CGNL1: variants seen among roughly 807,000 people sequenced by gnomAD.
CGNL1 encodes the protein cingulin-like protein 1.
In CGNL1, 132 loss-of-function variants were observed where a neutral mutation model predicts 141.2. The observed-to-expected ratio is 0.93, with a 90% confidence interval of 0.81 to 1.08. CGNL1 has a LOEUF of 1.08. Among genes scored for constraint, CGNL1 ranks in the 50% least tolerant of loss-of-function variants. CGNL1 has a pLI of 0.00. For synonymous variants in CGNL1, 690 were observed against 622.1 expected (o/e 1.11, Z -1.63); for missense variants, 1,870 against 1,588.6 (o/e 1.18, Z -3.01).
chr15:57,454,579 A>G (rs900622872), intron 7 of CGNL1, among the ~76,000 whole-genome samples: 7 of 152,162 alleles, frequency 4.6e-5, no homozygotes, highest in Admixed American at 1.3e-4. Context: ...AGGAGCTCAG[A>G]GATGAGTGAC....
intron 8 of CGNL1, among the ~76,000 whole-genome samples, chr15:57,465,093 A>C (rs921110944): frequency 4.6e-5 from 7 of 151,798 alleles, no homozygotes; most frequent in East Asian, 3.9e-4. Flanking sequence ...GTGTTTTTTC[A>C]CCATATTAGC....
intron 14 of CGNL1, 133 bp from the exon 15 acceptor site, chr15:57,543,563 T>G (rs2032680864): frequency 1.4e-6 from 1 of 712,830 alleles, no homozygotes; most frequent in Non-Finnish European, 2.5e-6. Flanking sequence ...CCAGAGCAGA[T>G]GGCACGAGGG....
At chr15:57,394,099 C>CTTTTTTTTTTTTTTTTTTTTTTTTTTTTT (rs1555429893) in intron 1 of CGNL1, 2 of 34,162 alleles carry the variant, frequency 5.9e-5, no homozygotes, top group African/African-American at 7.7e-5. Context: ...AGGGTAATTT[C>CTTTTTTTTTTTTTTTTTTTTTTTTTTTTT]TGTTTGTTTT....
At chr15:57,488,440 T>A (rs2063813714) in intron 8 of CGNL1, among the ~76,000 whole-genome samples, 2 of 152,248 alleles carry the variant, frequency 1.3e-5, no homozygotes, top group African/African-American at 4.8e-5. Flanking sequence ...GGTACTTGTG[T>A]TGTATCTAAG....
intron 8 of CGNL1, among the ~76,000 whole-genome samples, chr15:57,466,167 A>G (rs1416954692): frequency 1.3e-5 from 2 of 152,212 alleles, no homozygotes; most frequent in African/African-American, 2.4e-5. Context: ...ACATTCTTTT[A>G]AAGGACTAAG....
At chr15:57,377,837 T>G (rs1370135921) in intron 1 of CGNL1, among the ~76,000 whole-genome samples, 3 of 152,068 alleles carry the variant, frequency 2.0e-5, no homozygotes, top group Non-Finnish European at 4.4e-5. Context: ...TGATTTCAGA[T>G]TAAAAGGAGA....
At chr15:57,533,848 G>A (rs1014317105) in intron 14 of CGNL1, among the ~76,000 whole-genome samples, 1 of 152,200 alleles carries the variant, frequency 6.6e-6, no homozygotes, top group African/African-American at 2.4e-5. Flanking sequence ...TGTCAGTTTA[G>A]GGGGGAAGTT....
At chr15:57,417,595 A>T (rs538323790) in intron 1 of CGNL1, among the ~76,000 whole-genome samples, 1 of 137,662 alleles carries the variant, frequency 7.3e-6, no homozygotes, top group African/African-American at 2.7e-5. Context: ...GTCACTCAGA[A>T]TTGAAATAGT....
At chr15:57,543,152 A>G (rs1216792143) in intron 14 of CGNL1, among the ~76,000 whole-genome samples, 1 of 152,078 alleles carries the variant, frequency 6.6e-6, no homozygotes, top group Non-Finnish European at 1.5e-5. Flanking sequence ...GCCTCCTCCT[A>G]GCTTCTGGTG....
At chr15:57,387,272 C>T (rs1347933257) in intron 1 of CGNL1, among the ~76,000 whole-genome samples, 1 of 152,218 alleles carries the variant, frequency 6.6e-6, no homozygotes, top group Non-Finnish European at 1.5e-5. Flanking sequence ...CATGCACCAG[C>T]ACTTCACCAC....
intron 14 of CGNL1, among the ~76,000 whole-genome samples, chr15:57,537,292 T>G (rs1166925819): frequency 2.6e-5 from 4 of 152,186 alleles, no homozygotes; most frequent in African/African-American, 9.7e-5. Flanking sequence ...CCTCGGCAAC[T>G]GCAGGATTAA....
At chr15:57,428,035 G>A (rs2062999367) in intron 1 of CGNL1, among the ~76,000 whole-genome samples, 1 of 151,788 alleles carries the variant, frequency 6.6e-6, no homozygotes, top group South Asian at 2.1e-4. Flanking sequence ...TGTGTACATT[G>A]AGCATGCTTT....
chr15:57,387,082 C>T (rs1350839216), intron 1 of CGNL1, among the ~76,000 whole-genome samples: 1 of 152,136 alleles, frequency 6.6e-6, no homozygotes, highest in Non-Finnish European at 1.5e-5. Flanking sequence ...GCAGTCACTC[C>T]ACGTTCCTCC....
At chr15:57,456,499 A>T (rs540132229) in intron 7 of CGNL1, among the ~76,000 whole-genome samples, 48 of 151,978 alleles carry the variant, frequency 3.2e-4, no homozygotes, top group South Asian at 1.0e-3. Flanking sequence ...CTTAAAAAAA[A>T]AAATAAATAA....
chr15:57,493,687 C>T (rs576976283), intron 8 of CGNL1, among the ~76,000 whole-genome samples: 1 of 150,648 alleles, frequency 6.6e-6, no homozygotes, highest in African/African-American at 2.4e-5. Context: ...AGCACAGATA[C>T]ACTCATGTGT....
chr15:57,473,899 C>CTT lies in CGNL1; in HGVS notation c.2403+12032_2403+12033dup, dbSNP rs59761174. ...ACTTCTTCTTCTTCTTCTTCTTCTT[C>CTT]TTTTTTTTTTTTTTTTTTTTTTTTT... On this transcript the variant is annotated intron_variant, in intron 8 of 18. Transcript: ENST00000281282. Among the ~76,000 whole-genome samples the CTT allele has an allele frequency of 1.3e-3, 91 of 70,674 alleles. 2 individuals are homozygous for CTT. Among genetic ancestry groups the CTT allele is most frequent in the African/African-American group, 3.9e-3 (70 of 17,856 alleles). The allele number at this position is 70,674 out of a possible 152,430, so 46.4% of individuals were successfully genotyped here.
chr15:57,378,844 C>T (rs182138660), intron 1 of CGNL1, among the ~76,000 whole-genome samples: 1 of 152,198 alleles, frequency 6.6e-6, no homozygotes, highest in Non-Finnish European at 1.5e-5. Context: ...CTCGCTTTTC[C>T]CCAACTTCCA....
intron 14 of CGNL1, among the ~76,000 whole-genome samples, chr15:57,540,108 G>A (rs1229870273): frequency 6.6e-6 from 1 of 152,026 alleles, no homozygotes; most frequent in Non-Finnish European, 1.5e-5. Flanking sequence ...CCCTCATATG[G>A]CTAATTCCTT....
intron 1 of CGNL1, among the ~76,000 whole-genome samples, chr15:57,391,207 G>A (rs1328790502): frequency 3.9e-5 from 6 of 152,160 alleles, no homozygotes; most frequent in Admixed American, 1.3e-4. Context: ...AGCAGAGTCC[G>A]GACTGGTGTT....
Sources: gnomAD v4.1 joint callset for allele counts (sites outside exome capture counted in the v4.1 genomes callset) on GRCh38, gnomAD v4.1.1 for gene constraint, MANE v1.5 for transcripts, NCBI Gene and HGNC (gene_info 2026-07-23, HGNC 2026-07-21) for gene names.